RGS22: variants seen among roughly 807,000 people sequenced by gnomAD.
The protein encoded by RGS22 is regulator of G-protein signaling 22.
A neutral mutation model predicts 172.9 loss-of-function variants in RGS22; 148 were observed. The ratio of observed to expected loss-of-function variants is 0.86; its 90% CI spans 0.75 to 0.98. The LOEUF (loss-of-function observed/expected upper bound fraction) is 0.98. RGS22 is among the 50% of genes least tolerant of loss of function. RGS22 has a pLI of 0.00. For missense variants in RGS22, 1,347 were observed against 1,440.8 expected (o/e 0.93, Z 1.05); for synonymous variants, 458 against 480.2 (o/e 0.95, Z 0.60).
At chr8:100,048,912 A>G (rs1821000192) in intron 10 of RGS22, among the ~76,000 whole-genome samples, 2 of 152,208 alleles carry the variant, frequency 1.3e-5, no homozygotes, top group Admixed American at 1.3e-4. Context: ...CTGTTTCACA[A>G]CATTGTGAAT....
chr8:100,092,256 T>C (rs1045682346), intron 3 of RGS22, among the ~76,000 whole-genome samples: 1 of 152,146 alleles, frequency 6.6e-6, no homozygotes, highest in African/African-American at 2.4e-5. Flanking sequence ...AGCAAAAACC[T>C]TTTCTTATAC....
rs1817661300 is a variant in RGS22 at position 100,022,170 on chromosome 8, T to G, written c.2167-13601A>C. Among the ~76,000 whole-genome samples the G allele has an allele frequency of 2.0e-5, 3 of 152,132 alleles. No homozygotes were observed. In the South Asian group the frequency reaches 6.2e-4, roughly 31 times the overall value. ...GTTTTTCAAACAGGAATCTTAAAGA[T>G]GGGATCTAGGGATTGCAACGTCTTG... is the stretch of plus-strand genomic sequence containing the variant. On this transcript the variant is annotated intron_variant, in intron 14 of 27. Transcript: ENST00000360863.
intron 24 of RGS22, among the ~76,000 whole-genome samples, chr8:99,964,761 A>T (rs1810558600): frequency 6.6e-6 from 1 of 152,168 alleles, no homozygotes; most frequent in Non-Finnish European, 1.5e-5. Context: ...TGCCAAAAAG[A>T]TTGTTTCTTG....
At chr8:100,101,585 G>A (rs934361329) in intron 2 of RGS22, among the ~76,000 whole-genome samples, 8 of 150,646 alleles carry the variant, frequency 5.3e-5, no homozygotes, top group Admixed American at 4.6e-4. Context: ...GAGCCACTGC[G>A]CCCAGCCCTA....
At position 100,004,162 on chromosome 8, in the gene RGS22, T is replaced by C. The variant is rs1443028379; in HGVS notation, c.2455-64A>G. 8.9e-6 allele frequency: 13 copies of C among 1,453,778 alleles called. No individual in the cohort carries two copies. The South Asian group carries it at 1.9e-4, about 21-fold the overall frequency. 90.1% of individuals were successfully genotyped at this position (1,453,778 alleles called of 1,614,324 possible). A position where few individuals can be genotyped will look rare whatever the true frequency, so the allele number is the denominator to read the frequency against. Reference sequence around the variant, plus strand: ...ACAACAGATTGTTTACAATTTTAAGTAGAGAAACTGAAAGAAAAATCAACC... The same window carrying C: ...ACAACAGATTGTTTACAATTTTAAGCAGAGAAACTGAAAGAAAAATCAACC... On this transcript the variant is annotated intron_variant, in intron 16 of 27. Coordinates refer to ENST00000360863, the MANE Select transcript of RGS22 (RefSeq NM_015668.5).
At chr8:99,997,544 C>T (rs1814526626) in intron 19 of RGS22, among the ~76,000 whole-genome samples, 1 of 152,118 alleles carries the variant, frequency 6.6e-6, no homozygotes, top group South Asian at 2.1e-4. Context: ...TTGCTCAGCT[C>T]AAATGACTAA....
chr8:100,079,669 G>T (rs1811604527), intron 4 of RGS22, among the ~76,000 whole-genome samples: 2 of 152,190 alleles, frequency 1.3e-5, no homozygotes, highest in Non-Finnish European at 2.9e-5. Context: ...TTAGAACCCA[G>T]GTTTTCCAAC....
chr8:99,990,570 G>C (rs1030564955), intron 20 of RGS22, among the ~76,000 whole-genome samples: 6 of 152,158 alleles, frequency 3.9e-5, no homozygotes, highest in Non-Finnish European at 1.5e-5. Flanking sequence ...AATGCATATG[G>C]TTCTTGGGCA....
chr8:100,002,164 C>G, intron 18 of RGS22, 38 bp downstream of exon 18: 2 of 1,468,240 alleles, frequency 1.4e-6, no homozygotes, highest in Non-Finnish European at 1.8e-6. Context: ...TACCGGTTTT[C>G]AAACATCAAT....
intron 2 of RGS22, among the ~76,000 whole-genome samples, chr8:100,100,400 C>A (rs1393228779): frequency 6.6e-6 from 1 of 151,864 alleles, no homozygotes; most frequent in East Asian, 1.9e-4. Flanking sequence ...AGCAATTCTC[C>A]TGCTTCAGCC....
At position 100,066,252 on chromosome 8, in the gene RGS22, T is replaced by C. The variant is rs757790231; in HGVS notation, c.639A>G (p.Gln213=). Residue 213 remains glutamine (Q), a synonymous_variant, in exon 7 of 28, where the codon CAA becomes CAG. Transcript: ENST00000360863. Reference sequence around the variant, plus strand: ...AAAAGGTTGATACTGTTTGCTGACTTTGTTTTGCTAATGCAAACCAATCTT... The same window carrying C: ...AAAAGGTTGATACTGTTTGCTGACTCTGTTTTGCTAATGCAAACCAATCTT... ...QTKDWFALAK[Q]SQQTVSTFSL... The C allele has an allele frequency of 1.2e-6, 2 of 1,613,618 alleles. No homozygotes were observed. Among genetic ancestry groups the C allele is most frequent in the Non-Finnish European group, 8.5e-7 (1 of 1,179,608 alleles).
chr8:99,985,317 CACTT>C (rs1255517454), intron 21 of RGS22, among the ~76,000 whole-genome samples: 2 of 152,172 alleles, frequency 1.3e-5, no homozygotes, highest in African/African-American at 2.4e-5. Flanking sequence ...ACATAGTAAA[CACTT>C]AATAAGAGTA....
At chr8:100,062,842 A>C in intron 8 of RGS22, 90 bp from the exon 9 acceptor site, 1 of 1,069,636 alleles carries the variant, frequency 9.3e-7, no homozygotes, top group Non-Finnish European at 1.4e-6. Context: ...GAGAATAAAC[A>C]CAAGTTAAAG....
At chr8:100,022,564 T>C (rs998529454) in intron 14 of RGS22, among the ~76,000 whole-genome samples, 1 of 152,046 alleles carries the variant, frequency 6.6e-6, no homozygotes, top group African/African-American at 2.4e-5. Context: ...TACTATGCAG[T>C]TTAAGGCAAT....
intron 23 of RGS22, among the ~76,000 whole-genome samples, chr8:99,973,955 T>C (rs954685502): frequency 6.6e-6 from 1 of 151,952 alleles, no homozygotes; most frequent in Admixed American, 6.6e-5. Flanking sequence ...TATACCTATG[T>C]AACAAACCCG....
At chr8:99,999,466 GA>G (rs1382002669) in intron 18 of RGS22, 46 bp from the exon 19 acceptor site, 1 of 1,592,514 alleles carries the variant, frequency 6.3e-7, no homozygotes, top group South Asian at 1.1e-5. Context: ...CTTTCTAAAA[GA>G]AACACTAATA....
At chr8:100,047,215 T>A (rs1206477784) in intron 11 of RGS22, among the ~76,000 whole-genome samples, 1 of 152,170 alleles carries the variant, frequency 6.6e-6, no homozygotes, top group African/African-American at 2.4e-5. Flanking sequence ...TAGAGGGCAA[T>A]CTTCTCAGAG....
chr8:100,088,820 T>G lies in RGS22; in HGVS notation c.117+4627A>C, dbSNP rs573084956. Among the ~76,000 whole-genome samples the G allele has an allele frequency of 2.0e-5, 3 of 152,114 alleles. No homozygotes were observed. The South Asian group carries it at 6.2e-4, about 32-fold the overall frequency. ...ATCCGGTTATAGGACCTTGGGCATG[T>G]CATTACAGATAGGGAAAAAGTCTCA... is the stretch of plus-strand genomic sequence containing the variant. On this transcript the variant is annotated intron_variant, in intron 3 of 27. Transcript: ENST00000360863.
intron 2 of RGS22, among the ~76,000 whole-genome samples, chr8:100,098,686 CTCTTCTT>C (rs992388185): frequency 6.6e-6 from 1 of 151,712 alleles, no homozygotes; most frequent in Non-Finnish European, 1.5e-5. Context: ...GTTCTCTTCT[CTCTTCTT>C]CCCTCTTTCT....
Sources: gnomAD v4.1 joint callset for allele counts (sites outside exome capture counted in the v4.1 genomes callset) on GRCh38, gnomAD v4.1.1 for gene constraint, MANE v1.5 for transcripts, NCBI Gene and HGNC (gene_info 2026-07-23, HGNC 2026-07-21) for gene names.